SYT6: variants seen among roughly 807,000 people sequenced by gnomAD.
SYT6 encodes synaptotagmin 6.
SYT6 carries 24 observed loss-of-function variants against 38.4 expected under a neutral mutation model. That is an observed-to-expected ratio of 0.62 (90% CI 0.45 to 0.88). SYT6 has a LOEUF of 0.88. SYT6 is among the 40% of genes least tolerant of loss of function. The pLI is 0.00. For synonymous variants in SYT6, 265 were observed against 241.9 expected, an observed-to-expected ratio of 1.10 and a Z score of -0.89; for missense variants, 611 against 621.0, an observed-to-expected ratio of 0.98 and a Z score of 0.17.
At chr1:114,111,410 G>A (rs1002119385) in intron 3 of SYT6, among the ~76,000 whole-genome samples, 2 of 152,298 alleles carry the variant, frequency 1.3e-5, no homozygotes, top group Non-Finnish European at 1.5e-5. Flanking sequence ...GCCAGGATGT[G>A]GACGGAAGCT....
Position 114,099,157 on chromosome 1 carries a change from A to C in SYT6, c.1301T>G (p.Phe434Cys), listed in dbSNP as rs1300755869. 6.2e-7 allele frequency: 1 copy of C among 1,614,038 alleles called. No homozygotes were observed. Among genetic ancestry groups the C allele is most frequent in the Non-Finnish European group, 8.5e-7 (1 of 1,180,006 alleles). Residue 434 changes from phenylalanine to cysteine, a missense_variant, in exon 5 of 8, where the codon TTT becomes TGT. Phe to Cys is a radical substitution (Grantham distance 205, BLOSUM62 -2). Coordinates refer to ENST00000610222, the MANE Select transcript of SYT6 (RefSeq NM_001253772.2). ...LNPVYNEAII[F>C]DIPPENMDQV... ...ATCCATGTTTTCCGGGGGAATGTCA[A>C]AGATGATGGCCTCATTGTAGACAGG...
At chr1:114,110,972 A>T (rs898232775) in intron 3 of SYT6, among the ~76,000 whole-genome samples, 1 of 152,154 alleles carries the variant, frequency 6.6e-6, no homozygotes, top group East Asian at 1.9e-4. Flanking sequence ...CTCTTCTTCA[A>T]ATGAAGTATC....
chr1:114,135,892 T>C (rs919266910), intron 3 of SYT6, among the ~76,000 whole-genome samples: 3 of 152,200 alleles, frequency 2.0e-5, no homozygotes, highest in African/African-American at 7.2e-5. Context: ...AGCCACAGCC[T>C]AAGGAGACCA....
intron 3 of SYT6, among the ~76,000 whole-genome samples, chr1:114,123,518 G>A (rs1394343920): frequency 6.6e-6 from 1 of 152,166 alleles, no homozygotes. Context: ...AAGCCTTTTG[G>A]GGGCAGCAGA....
intron 3 of SYT6, among the ~76,000 whole-genome samples, chr1:114,110,704 G>A (rs960462277): frequency 4.6e-5 from 7 of 152,090 alleles, no homozygotes; most frequent in Admixed American, 2.0e-4. Context: ...CAGATGCTAC[G>A]GCCTCCACAG....
At chr1:114,130,495 G>T (rs1221781783) in intron 3 of SYT6, among the ~76,000 whole-genome samples, 1 of 152,058 alleles carries the variant, frequency 6.6e-6, no homozygotes, top group Non-Finnish European at 1.5e-5. Flanking sequence ...CTGGCTGTGG[G>T]CGTTCCCCAA....
intron 3 of SYT6, among the ~76,000 whole-genome samples, chr1:114,123,813 C>T (rs911602363): frequency 2.0e-5 from 3 of 152,238 alleles, no homozygotes; most frequent in African/African-American, 7.2e-5. Context: ...GCAAACAACA[C>T]TGCCTCAGGG....
chr1:114,137,990 A>G lies in SYT6; in HGVS notation c.576T>C (p.Asn192=). 6.2e-7 allele frequency: 1 copy of G among 1,613,966 alleles called. No individual in the cohort carries two copies. The highest frequency in any genetic ancestry group is 8.5e-7 in the Non-Finnish European group (1 of 1,180,006). The change falls in exon 3 of 8, where the codon AAT becomes AAC. Residue 192 remains asparagine (N), a synonymous_variant. Coordinates refer to ENST00000610222, the MANE Select transcript of SYT6 (RefSeq NM_001253772.2). ...GCTGCTCTGCTGCTGGTGGAAGCTC[A>G]TTGCCATAGTCTACACTGGAGACAT... The part of the protein sequence containing the change: ...QMHVSSVDYG[N]ELPPAAEQPT...
intron 3 of SYT6, among the ~76,000 whole-genome samples, chr1:114,133,816 G>C (rs567468542): frequency 2.0e-5 from 3 of 152,366 alleles, no homozygotes; most frequent in East Asian, 1.9e-4. Context: ...ATCTGGGCTG[G>C]GGAGGTGAGT....
At chr1:114,114,913 G>C (rs75693708) in intron 3 of SYT6, among the ~76,000 whole-genome samples, 15,572 of 152,260 alleles carry the variant, frequency 0.1, 973 homozygotes, top group Non-Finnish European at 0.14. Context: ...TGCTGGACTG[G>C]TCCTGGCCCT....
chr1:114,137,857 G>C lies in SYT6; in HGVS notation c.709C>G (p.Leu237Val). 1 of 1,614,066 alleles carries C rather than the reference G, an allele frequency of 6.2e-7. No homozygotes were observed. ...TKSCGKINFS[L>V]RYDYETETLI... ...GTCTCGGTCTCGTAATCGTAGCGTA[G>C]GCTGAAGTTGATCTTCCCGCAGCTC... Residue 237 changes from leucine to valine, a missense_variant, in exon 3 of 8, where the codon CTA becomes GTA. Leu to Val is a conservative substitution (Grantham distance 32). Transcript: ENST00000610222.
intron 3 of SYT6, among the ~76,000 whole-genome samples, chr1:114,112,743 G>C (rs899933394): frequency 1.3e-5 from 2 of 152,206 alleles, no homozygotes; most frequent in African/African-American, 4.8e-5. Context: ...GGGTGGTGGG[G>C]GTAGTAAAGG....
intron 3 of SYT6, among the ~76,000 whole-genome samples, chr1:114,110,076 T>C (rs1384706041): frequency 1.3e-5 from 2 of 152,188 alleles, no homozygotes; most frequent in African/African-American, 4.8e-5. Flanking sequence ...TGCCTGCCTC[T>C]TAGCCCATAC....
chr1:114,130,906 C>T (rs1678104078), intron 3 of SYT6, among the ~76,000 whole-genome samples: 1 of 152,238 alleles, frequency 6.6e-6, no homozygotes, highest in African/African-American at 2.4e-5. Context: ...TGGGAGGCTT[C>T]ACCCCCGGGT....
chr1:114,103,547 T>C, intron 4 of SYT6, 54 bp downstream of exon 4: 1 of 1,604,870 alleles, frequency 6.2e-7, no homozygotes, highest in Non-Finnish European at 8.5e-7. Context: ...CCGAACACCC[T>C]TCCAAATCCT....
intron 1 of SYT6, among the ~76,000 whole-genome samples, chr1:114,150,284 GA>G (rs1274714171): frequency 1.3e-5 from 2 of 152,166 alleles, no homozygotes; most frequent in Non-Finnish European, 2.9e-5. Context: ...AGAGGGAGAA[GA>G]AAACTTCTAG....
intron 3 of SYT6, among the ~76,000 whole-genome samples, chr1:114,104,018 C>T (rs1254905845): frequency 1.3e-5 from 2 of 152,336 alleles, no homozygotes; most frequent in African/African-American, 4.8e-5. Context: ...TCTCCATGCG[C>T]CCCTTGGCTG....
intron 7 of SYT6, 72 bp from the exon 8 acceptor site, chr1:114,092,154 G>T: frequency 7.1e-7 from 1 of 1,400,726 alleles, no homozygotes; most frequent in Non-Finnish European, 9.7e-7. Context: ...AACTGAACTG[G>T]CCCAATGCAC....
chr1:114,093,853 G>A, intron 6 of SYT6, 50 bp from the exon 7 acceptor site: 3 of 1,562,464 alleles, frequency 1.9e-6, no homozygotes, highest in Non-Finnish European at 2.6e-6. Context: ...AGGCCACTGT[G>A]GCTTCTGACT....
Sources: allele counts gnomAD v4.1 joint callset (sites outside exome capture counted in the v4.1 genomes callset), GRCh38; gene constraint gnomAD v4.1.1; transcripts MANE v1.5; gene names NCBI Gene and HGNC (gene_info 2026-07-23, HGNC 2026-07-21).